Variants in MAP2K5 observed in about 807,000 individuals in gnomAD.
MAP2K5 encodes the protein dual specificity mitogen-activated protein kinase kinase 5.
A neutral mutation model predicts 83.1 loss-of-function variants in MAP2K5; 49 were observed. The observed-to-expected ratio is 0.59, with a 90% CI of 0.47 to 0.75. MAP2K5 has a LOEUF of 0.75. MAP2K5 is among the 30% of genes least tolerant of loss of function. MAP2K5 has a pLI of 0.00. For missense variants in MAP2K5, 457 were observed against 557.5 expected (o/e 0.82, Z 1.82); for synonymous variants, 202 against 191.8 (o/e 1.05, Z -0.44).
At chr15:67,658,816 C>A in intron 12 of MAP2K5, 1 of 614,450 alleles carries the variant, frequency 1.6e-6, no homozygotes, top group Non-Finnish European at 3.0e-6. Context: ...TTATGTGCTC[C>A]AACCTGTTCT....
chr15:67,659,061 G>T, intron 12 of MAP2K5: 16 of 224,414 alleles, frequency 7.1e-5, no homozygotes, highest in East Asian at 2.6e-4. Context: ...TTATGTTCTT[G>T]GTTTTTAATT....
intron 21 of MAP2K5, among the ~76,000 whole-genome samples, chr15:67,798,783 A>G (rs2090650916): frequency 6.6e-6 from 1 of 152,168 alleles, no homozygotes; most frequent in Non-Finnish European, 1.5e-5. Context: ...TTGAAATGAC[A>G]TGTCACAGCT....
In MAP2K5 at chr15:67,774,871, G is replaced by A. The variant is rs2090209551; in HGVS notation, c.1242+2119G>A. 6.6e-6 allele frequency among the ~76,000 whole-genome samples: 1 copy of A among 152,242 alleles called. No homozygotes were observed. Among genetic ancestry groups the A allele is most frequent in the Admixed American group, 6.5e-5 (1 of 15,282 alleles). On this transcript the variant is annotated intron_variant, in intron 21 of 21. Transcript: ENST00000178640. This position sits in a 1 kb window ranked among gnomAD's most constrained non-coding sequence, Gnocchi z 4.9. ...GCCGCTTCAAATGTGAGGCCTGCAG[G>A]ATTGTCAAGGTTTCCCTGTAGGCCT...
At chr15:67,635,688 G>A (rs1170979494) in intron 9 of MAP2K5, among the ~76,000 whole-genome samples, 1 of 151,980 alleles carries the variant, frequency 6.6e-6, no homozygotes, top group Non-Finnish European at 1.5e-5. Flanking sequence ...GTCTAAAAAT[G>A]TATATTTCAC....
chr15:67,653,233 A>G (rs907192571), intron 11 of MAP2K5, among the ~76,000 whole-genome samples: 9 of 151,522 alleles, frequency 5.9e-5, no homozygotes. Flanking sequence ...GAGTCTCCTC[A>G]CTTATTTTCT....
At chr15:67,607,257 T>C (rs544293868) in intron 8 of MAP2K5, among the ~76,000 whole-genome samples, 2 of 152,340 alleles carry the variant, frequency 1.3e-5, no homozygotes, top group African/African-American at 4.8e-5. Context: ...CATTATAGTA[T>C]CGTGACAAGC....
At chr15:67,599,780 GC>G (rs1253033327) in intron 7 of MAP2K5, among the ~76,000 whole-genome samples, 3 of 151,604 alleles carry the variant, frequency 2.0e-5, no homozygotes, top group African/African-American at 7.3e-5. Context: ...AATAAAGTTG[GC>G]AGTTAATTTT....
Position 67,644,445 on chromosome 15 carries a change from A to G in MAP2K5, c.586-1786A>G, listed in dbSNP as rs1026408806. Among the ~76,000 whole-genome samples, 4 of 152,136 alleles carry G rather than the reference A, an allele frequency of 2.6e-5. No individual in the cohort carries two copies. The highest frequency in any genetic ancestry group is 6.6e-5 in the Admixed American group (1 of 15,258). On this transcript the variant is annotated intron_variant, in intron 9 of 21. Transcript: ENST00000178640. The surrounding 1 kb of genome is among the most constrained non-coding windows in gnomAD (Gnocchi z 4.6). ...AATTACTCTTGAATTAGTTTCACTG[A>G]CATGCTTAGTAGAATTTGAACAGTA...
chr15:67,551,690 G>C (rs1189289856), intron 2 of MAP2K5, among the ~76,000 whole-genome samples: 1 of 152,070 alleles, frequency 6.6e-6, no homozygotes, highest in East Asian at 1.9e-4. Flanking sequence ...GCCCAAGCTG[G>C]AGTGCAGTAG....
In MAP2K5 at chr15:67,749,618, G is replaced by A. The variant is rs768688412; in HGVS notation, c.1134+1017G>A. Among the ~76,000 whole-genome samples, 85 of 152,276 alleles carry A rather than the reference G, an allele frequency of 5.6e-4. No homozygotes were observed. Among genetic ancestry groups the A allele is most frequent in the Admixed American group, 9.8e-4 (15 of 15,292 alleles). On this transcript the variant is annotated intron_variant, in intron 19 of 21. Coordinates refer to ENST00000178640, the MANE Select transcript of MAP2K5 (RefSeq NM_145160.3). The surrounding 1 kb of genome is among the most constrained non-coding windows in gnomAD (Gnocchi z 4.6). ...CACACATATCACAATAATAGTAAGA[G>A]TGGGGCTCTAACATCCTTAATGGTT...
chr15:67,739,462 ATTTTTTTTTTTTTTTTTTTTT>A (rs1168539325), intron 17 of MAP2K5, among the ~76,000 whole-genome samples: 253 of 26,960 alleles, frequency 9.4e-3, no homozygotes, highest in South Asian at 0.037. Flanking sequence ...ATATATATAT[ATTTTTTTTTTTTTTTTTTTTT>A]TTTTTTTTTT....
At position 67,770,556 on chromosome 15, in the gene MAP2K5, T is replaced by C. The variant is rs1366766352; in HGVS notation, c.1196+893T>C. On this transcript the variant is annotated intron_variant, in intron 20 of 21. Transcript: ENST00000178640. This position sits in a 1 kb window ranked among gnomAD's most constrained non-coding sequence, Gnocchi z 5.0. ...CTTAACTACGTTGGTCTTCTTTCCCTCCTTCACCAAAGTCCAGAGTCATGT... is the reference window on the plus strand; with the variant it reads ...CTTAACTACGTTGGTCTTCTTTCCCCCCTTCACCAAAGTCCAGAGTCATGT... Among the ~76,000 whole-genome samples, 2 of 152,300 alleles carry C rather than the reference T, an allele frequency of 1.3e-5. No individual in the cohort carries two copies. Among genetic ancestry groups the C allele is most frequent in the East Asian group, 3.9e-4 (2 of 5,178 alleles).
chr15:67,590,830 C>T (rs2085393395), intron 6 of MAP2K5, among the ~76,000 whole-genome samples: 3 of 152,056 alleles, frequency 2.0e-5, no homozygotes, highest in African/African-American at 7.2e-5. Context: ...ATAATAATAA[C>T]CAGAGCAGCG....
intron 2 of MAP2K5, among the ~76,000 whole-genome samples, chr15:67,556,475 C>A (rs748869937): frequency 1.3e-5 from 2 of 151,518 alleles, no homozygotes; most frequent in Non-Finnish European, 2.9e-5. Context: ...TTGTATGTGT[C>A]GTATTGTGGG....
chr15:67,543,270 AG>A lies in MAP2K5; in HGVS notation c.-65del. The A allele has an allele frequency of 6.4e-7, 1 of 1,571,536 alleles. No homozygotes were observed. The highest frequency in any genetic ancestry group is 1.1e-5 in the South Asian group (1 of 88,726). ...CGTCACTCCCCTTGTCACCTCTTGG[AG>A]CCCCCTCCTAACCAGCGGCCAGTGG... On this transcript the variant is annotated 5_prime_UTR_variant, in exon 1 of 22. Coordinates refer to ENST00000178640, the MANE Select transcript of MAP2K5 (RefSeq NM_145160.3). The surrounding 1 kb of genome is among the most constrained non-coding windows in gnomAD (Gnocchi z 4.3).
chr15:67,726,847 T>TA (rs1169180012), intron 16 of MAP2K5, among the ~76,000 whole-genome samples: 41 of 152,366 alleles, frequency 2.7e-4, no homozygotes, highest in African/African-American at 7.9e-4. Context: ...GGCCACATTA[T>TA]AAAATTGCAA....
chr15:67,765,483 G>A (rs1162699251), intron 19 of MAP2K5, among the ~76,000 whole-genome samples: 4 of 152,144 alleles, frequency 2.6e-5, no homozygotes, highest in Admixed American at 2.0e-4. Context: ...GTATGGGGGC[G>A]GGGAGTTGCA....
At chr15:67,630,074 CAA>C (rs913076870) in intron 8 of MAP2K5, among the ~76,000 whole-genome samples, 1 of 151,762 alleles carries the variant, frequency 6.6e-6, no homozygotes, top group East Asian at 1.9e-4. Context: ...CCTGTCTCTA[CAA>C]AAAAAAGTAA....
At chr15:67,675,534 C>T (rs2087656376) in intron 13 of MAP2K5, among the ~76,000 whole-genome samples, 3 of 152,086 alleles carry the variant, frequency 2.0e-5, no homozygotes, top group Admixed American at 2.0e-4. Flanking sequence ...AGTGTCAATA[C>T]CCTGGTTGTG....
Sources: gnomAD v4.1 joint callset for allele counts (sites outside exome capture counted in the v4.1 genomes callset) on GRCh38, gnomAD v4.1.1 for gene constraint, Gnocchi (gnomAD v3.1) non-coding constraint, MANE v1.5 for transcripts, NCBI Gene and HGNC (gene_info 2026-07-23, HGNC 2026-07-21) for gene names.